Variants in FNBP1 observed in about 807,000 individuals in gnomAD.
FNBP1 encodes the protein formin-binding protein 1.
Under a neutral mutation model 90.6 loss-of-function variants are expected in FNBP1, and 26 were observed. The observed-to-expected ratio is 0.29, with a 90% CI of 0.21 to 0.40. FNBP1 has a LOEUF of 0.40. FNBP1 is among the 10% of genes least tolerant of loss of function. The pLI is 1.00. For missense variants in FNBP1, 635 were observed against 768.0 expected, an observed-to-expected ratio of 0.83 and a Z score of 2.05; for synonymous variants, 260 against 265.2, an observed-to-expected ratio of 0.98 and a Z score of 0.19.
Position 129,890,939 on chromosome 9 carries a change from G to A in FNBP1, c.1847-393C>T, listed in dbSNP as rs1042475857. ...TGGGAGCCTGAGGCAGGCAGATCAC[G>A]AGGTCAGGAGTTCAAGACCAGCCTG... is the stretch of plus-strand genomic sequence containing the variant. On this transcript the variant is annotated intron_variant, in intron 16 of 16. Transcript: ENST00000446176. The surrounding 1 kb of genome is among the most constrained non-coding windows in gnomAD (Gnocchi z 5.8). Among the ~76,000 whole-genome samples, 4 of 151,954 alleles carry A rather than the reference G, an allele frequency of 2.6e-5. No homozygotes were observed. Among genetic ancestry groups the A allele is most frequent in the Middle Eastern group, 3.2e-3 (1 of 316 alleles).
At chr9:129,907,475 C>T (rs1564289185) in intron 12 of FNBP1, among the ~76,000 whole-genome samples, 1 of 152,058 alleles carries the variant, frequency 6.6e-6, no homozygotes, top group Non-Finnish European at 1.5e-5. Context: ...ATCTATCATC[C>T]TACTTTGTGC....
upstream of FNBP1, among the ~76,000 whole-genome samples, chr9:130,046,274 C>T (rs972299722): frequency 6.6e-6 from 1 of 151,942 alleles, no homozygotes; most frequent in Non-Finnish European, 1.5e-5. Flanking sequence ...TTATCTGCAC[C>T]CACACTGTCA....
chr9:129,932,316 C>G (rs2042892112), intron 6 of FNBP1, among the ~76,000 whole-genome samples: 1 of 151,962 alleles, frequency 6.6e-6, no homozygotes, highest in African/African-American at 2.4e-5. Flanking sequence ...AAAAGAAACA[C>G]ATGAGAGGAA....
chr9:129,900,408 G>T lies in FNBP1; in HGVS notation c.1550+18C>A. On this transcript the variant is annotated intron_variant, in intron 14 of 16. Coordinates refer to ENST00000446176, the MANE Select transcript of FNBP1 (RefSeq NM_015033.3). This position sits in a 1 kb window ranked among gnomAD's most constrained non-coding sequence, Gnocchi z 4.1. ...ACAGGCTCCCTTGCCAGAGGCAGGCGCTGTGCAGATACTGTACCTCTCACG... is the reference window on the plus strand; with the variant it reads ...ACAGGCTCCCTTGCCAGAGGCAGGCTCTGTGCAGATACTGTACCTCTCACG... The T allele has an allele frequency of 6.5e-7, 1 of 1,536,156 alleles. No individual in the cohort carries two copies. Among genetic ancestry groups the T allele is most frequent in the Non-Finnish European group, 8.7e-7 (1 of 1,145,260 alleles).
At chr9:129,986,216 A>T (rs1365609702) in intron 2 of FNBP1, among the ~76,000 whole-genome samples, 1 of 152,118 alleles carries the variant, frequency 6.6e-6, no homozygotes, top group African/African-American at 2.4e-5. Context: ...TCCAAAATCC[A>T]GTCTGCAAGA....
intron 1 of FNBP1, among the ~76,000 whole-genome samples, chr9:130,020,936 G>A (rs1383939247): frequency 1.3e-5 from 2 of 152,042 alleles, no homozygotes; most frequent in Non-Finnish European, 2.9e-5. Context: ...TCACTGAAAC[G>A]AACTGAAATC....
At position 130,042,909 on chromosome 9, in the gene FNBP1, GCGCGC is replaced by G; in HGVS notation, c.24+38_24+42del. 8.3e-7 allele frequency: 1 copy of G among 1,210,492 alleles called. No homozygotes were observed. The highest frequency in any genetic ancestry group is 1.0e-6 in the Non-Finnish European group (1 of 967,906). 75.0% of individuals were successfully genotyped at this position (1,210,492 alleles called of 1,614,324 possible). ...CCTCCCCAGGCCGCGGGGAAACGCA[GCGCGC>G]GCCCCGCATCTGCCCGCGGGCCCAG... On this transcript the variant is annotated intron_variant, in intron 1 of 16. Transcript: ENST00000446176. This position sits in a 1 kb window ranked among gnomAD's most constrained non-coding sequence, Gnocchi z 5.5.
chr9:130,004,583 G>A (rs994943158), intron 1 of FNBP1, among the ~76,000 whole-genome samples: 1 of 152,168 alleles, frequency 6.6e-6, no homozygotes. Context: ...AAATGGCTCT[G>A]TTTAAACAGA....
intron 16 of FNBP1, among the ~76,000 whole-genome samples, chr9:129,893,631 A>AC: frequency 7.3e-6 from 1 of 137,886 alleles, no homozygotes; most frequent in African/African-American, 2.7e-5. Flanking sequence ...AAAAAAAAAA[A>AC]AAAAAAGCCA....
chr9:129,985,511 A>G (rs2052021569), intron 2 of FNBP1, among the ~76,000 whole-genome samples: 1 of 152,214 alleles, frequency 6.6e-6, no homozygotes, highest in African/African-American at 2.4e-5. Context: ...CCACTTCACT[A>G]AACTGCCCCT....
intron 10 of FNBP1, among the ~76,000 whole-genome samples, chr9:129,918,750 C>T (rs1052611640): frequency 2.6e-5 from 4 of 152,024 alleles, no homozygotes; most frequent in Admixed American, 6.6e-5. Flanking sequence ...GTCACTCTCC[C>T]GTGACCACGC....
At chr9:129,991,116 A>T (rs900120569) in intron 2 of FNBP1, among the ~76,000 whole-genome samples, 2 of 151,306 alleles carry the variant, frequency 1.3e-5, no homozygotes, top group Non-Finnish European at 2.9e-5. Context: ...TTGTATTTTT[A>T]GTAGAGACAG....
rs753719529 is a variant in FNBP1, at chr9:129,979,374, C to T, written c.141G>A (p.Arg47=). The T allele has an allele frequency of 6.3e-6, 10 of 1,596,290 alleles. No homozygotes were observed. The South Asian group carries it at 1.0e-4, about 16-fold the overall frequency. ...EIELSYAKQL[R]NLSKKYQPKK... Reference sequence around the variant, plus strand: ...TAGGTTGGTACTTCTTTGAAAGATTCCTGAAATAAAAATGCAGACATGTCA... The same window carrying T: ...TAGGTTGGTACTTCTTTGAAAGATTTCTGAAATAAAAATGCAGACATGTCA... Residue 47 remains arginine (R), a splice_region_variant and synonymous_variant, in exon 3 of 17, where the codon AGG becomes AGA. Transcript: ENST00000446176.
At chr9:130,022,214 T>G (rs1184375081) in intron 1 of FNBP1, among the ~76,000 whole-genome samples, 1 of 152,134 alleles carries the variant, frequency 6.6e-6, no homozygotes, top group Non-Finnish European at 1.5e-5. Context: ...ATTAACTTTT[T>G]TTTTTTTTTG....
At chr9:129,944,773 T>C (rs1287644137) in intron 6 of FNBP1, among the ~76,000 whole-genome samples, 1 of 152,156 alleles carries the variant, frequency 6.6e-6, no homozygotes, top group Non-Finnish European at 1.5e-5. Flanking sequence ...ATGAAGTAAG[T>C]TGCCACATGT....
intron 4 of FNBP1, among the ~76,000 whole-genome samples, chr9:129,971,064 T>C (rs2133243910): frequency 6.6e-6 from 1 of 151,682 alleles, no homozygotes; most frequent in East Asian, 1.9e-4. Flanking sequence ...TTTTTTTTTT[T>C]CTATTTTTAG....
intron 10 of FNBP1, among the ~76,000 whole-genome samples, chr9:129,916,615 TCAAAAAAAAAA>T (rs976292900): frequency 1.3e-4 from 18 of 140,546 alleles, no homozygotes; most frequent in African/African-American, 4.3e-4. Flanking sequence ...AAACTCCATC[TCAAAAAAAAAA>T]CAAAAAAAAA....
At chr9:129,913,195 G>T (rs761898593) in intron 11 of FNBP1, among the ~76,000 whole-genome samples, 2 of 152,072 alleles carry the variant, frequency 1.3e-5, no homozygotes, top group African/African-American at 4.8e-5. Context: ...GTGACAGAGC[G>T]AGACTCCATC....
chr9:129,981,661 T>G (rs2051286049), intron 2 of FNBP1, among the ~76,000 whole-genome samples: 1 of 151,936 alleles, frequency 6.6e-6, no homozygotes, highest in African/African-American at 2.4e-5. Flanking sequence ...ACAAAGGGCA[T>G]TGCTCTGGGA....
Sources: gnomAD v4.1 joint callset for allele counts (sites outside exome capture counted in the v4.1 genomes callset) on GRCh38, gnomAD v4.1.1 for gene constraint, Gnocchi (gnomAD v3.1) non-coding constraint, MANE v1.5 for transcripts, NCBI Gene and HGNC (gene_info 2026-07-23, HGNC 2026-07-21) for gene names.